ARHGEF37: variants seen among roughly 807,000 people sequenced by gnomAD.
The protein encoded by ARHGEF37 is Rho guanine nucleotide exchange factor (GEF) 37.
In ARHGEF37, 55 loss-of-function variants were observed where a neutral mutation model predicts 71.1. The observed-to-expected ratio is 0.77, with a 90% confidence interval of 0.62 to 0.97. The LOEUF (loss-of-function observed/expected upper bound fraction) is 0.97. Among genes scored for constraint, ARHGEF37 ranks in the 50% least tolerant of loss-of-function variants. The probability of loss-of-function intolerance (pLI) is 0.00; values close to 1 mark genes in which losing one functional copy is unlikely to be tolerated. For missense variants in ARHGEF37, 765 were observed against 836.8 expected (o/e 0.91, Z 1.06); for synonymous variants, 327 against 350.6 (o/e 0.93, Z 0.75).
Position 149,581,997 on chromosome 5 carries a change from G to C in ARHGEF37, c.-12+373G>C, listed in dbSNP as rs79899373. On this transcript the variant is annotated intron_variant, in intron 1 of 12. Coordinates refer to ENST00000333677, the MANE Select transcript of ARHGEF37 (RefSeq NM_001001669.3). ...ACGGAAAAATACAAACAATGGTAAAGAATCCTTGCCAAGCAAAATATAATT... is the reference window on the plus strand; with the variant it reads ...ACGGAAAAATACAAACAATGGTAAACAATCCTTGCCAAGCAAAATATAATT... Among the ~76,000 whole-genome samples the C allele has an allele frequency of 6.7e-3, 1,017 of 152,302 alleles. 36 individuals carry two copies. Among genetic ancestry groups the C allele is most frequent in the Admixed American group, 0.05 (767 of 15,296 alleles).
intron 1 of ARHGEF37, among the ~76,000 whole-genome samples, chr5:149,560,982 T>G (rs1333949794): frequency 6.6e-6 from 1 of 151,868 alleles, no homozygotes; most frequent in African/African-American, 2.4e-5. Context: ...AGTTAGAAAT[T>G]AGAAGATACT....
At chr5:149,587,455 T>A (rs1763270083) in intron 1 of ARHGEF37, among the ~76,000 whole-genome samples, 1 of 152,214 alleles carries the variant, frequency 6.6e-6, no homozygotes, top group Admixed American at 6.5e-5. Flanking sequence ...ACTTGGATTA[T>A]CTTAGGAAAT....
At chr5:149,571,905 CAAAAA>C (rs150393350) in intron 1 of ARHGEF37, among the ~76,000 whole-genome samples, 26 of 77,622 alleles carry the variant, frequency 3.3e-4, no homozygotes, top group Non-Finnish European at 4.4e-4. Flanking sequence ...GACCCTGTCT[CAAAAA>C]AAAAAAAAAA....
intron 1 of ARHGEF37, among the ~76,000 whole-genome samples, chr5:149,565,882 T>C (rs1762892377): frequency 7.2e-6 from 1 of 139,302 alleles, no homozygotes; most frequent in Non-Finnish European, 1.6e-5. Flanking sequence ...AGAGTTTCCC[T>C]CTTGTTGCCC....
intron 3 of ARHGEF37, among the ~76,000 whole-genome samples, chr5:149,601,432 A>G (rs1023813188): frequency 1.3e-5 from 2 of 152,170 alleles, no homozygotes; most frequent in African/African-American, 2.4e-5. Flanking sequence ...CTTTACAGAG[A>G]CCGAGCCCCA....
intron 10 of ARHGEF37, 32 bp downstream of exon 10, chr5:149,624,172 C>A (rs753121046): frequency 1.3e-6 from 2 of 1,585,134 alleles, no homozygotes; most frequent in Non-Finnish European, 1.7e-6. Context: ...CAAAGACTGT[C>A]CAGTTCTTCA....
chr5:149,554,994 G>A (rs1033629905), intron 1 of ARHGEF37, among the ~76,000 whole-genome samples: 15 of 151,996 alleles, frequency 9.9e-5, no homozygotes, highest in African/African-American at 3.4e-4. Context: ...AGCCGGGCGT[G>A]GTGGCAGGCG....
intron 1 of ARHGEF37, among the ~76,000 whole-genome samples, chr5:149,564,365 C>A (rs945330491): frequency 5.3e-5 from 8 of 152,142 alleles, no homozygotes; most frequent in Non-Finnish European, 8.8e-5. Flanking sequence ...ACTTAACTTG[C>A]CCAGGTGCAC....
At chr5:149,620,167 A>G (rs1752496847) in intron 7 of ARHGEF37, among the ~76,000 whole-genome samples, 187 bp from the exon 8 acceptor site, 1 of 152,154 alleles carries the variant, frequency 6.6e-6, no homozygotes, top group South Asian at 2.1e-4. Flanking sequence ...AAAGATGTTG[A>G]CTCAGTCTAA....
chr5:149,612,199 G>A (rs1174123039), intron 4 of ARHGEF37, among the ~76,000 whole-genome samples: 2 of 152,012 alleles, frequency 1.3e-5, no homozygotes, highest in Non-Finnish European at 2.9e-5. Flanking sequence ...ATGGAGTCTC[G>A]CTCTGTCGCC....
In ARHGEF37 at chr5:149,620,422, C is replaced by A. The variant is rs200135754; in HGVS notation, c.963C>A (p.Cys321Ter). Residue 321 changes from cysteine to a stop codon, truncating the protein, a stop_gained, in exon 8 of 13, where the codon TGC becomes TGA. Coordinates refer to ENST00000333677, the MANE Select transcript of ARHGEF37 (RefSeq NM_001001669.3). LOFTEE classifies it high-confidence loss of function. ...CCGAGGGGCCTGCAGTGCAGTATTG[C>A]AATTTGGCAAGAGACCTTCACCTTG... ...DIPEGPAVQY[C>*]NLARDLHLEA... 1 of 1,612,604 alleles carries A rather than the reference C, an allele frequency of 6.2e-7. No homozygotes were observed. Among genetic ancestry groups the A allele is most frequent in the Admixed American group, 1.7e-5 (1 of 59,784 alleles).
chr5:149,581,661 G>A (rs1398413309), intron 1 of ARHGEF37, 37 bp downstream of exon 1: 1 of 152,212 alleles, frequency 6.6e-6, no homozygotes, highest in Non-Finnish European at 1.5e-5. Context: ...GGTCAAGCAG[G>A]ATGGGGCTGG....
intron 1 of ARHGEF37, among the ~76,000 whole-genome samples, chr5:149,554,098 G>T (rs1269761840): frequency 3.3e-5 from 5 of 152,336 alleles, no homozygotes; most frequent in Non-Finnish European, 7.3e-5. Context: ...AACTGGGGAG[G>T]TAGAGATTGC....
rs116892354 is a variant in ARHGEF37 at position 149,627,619 on chromosome 5, A to G, written c.1660+348A>G. The stretch of plus-strand genomic sequence containing the variant: ...GAGAACTCCAGGACCACCCTGAAAG[A>G]TGGAGATGGGCACGGAGATAGAATG... On this transcript the variant is annotated intron_variant, in intron 11 of 12. Transcript: ENST00000333677. 5.3e-3 allele frequency among the ~76,000 whole-genome samples: 811 copies of G among 152,318 alleles called. 27 individuals carry two copies. In the East Asian group the frequency reaches 0.061, roughly 12 times the overall value.
rs1763106181 is a variant in ARHGEF37 at position 149,581,532 on chromosome 5, A to G, written c.-104A>G. ...CACCCGGAGCGGCGCGGGTGCCGGGAGCTGGGCGACGCGCCCCTCCTGCCC... is the reference window on the plus strand; with the variant it reads ...CACCCGGAGCGGCGCGGGTGCCGGGGGCTGGGCGACGCGCCCCTCCTGCCC... On this transcript the variant is annotated 5_prime_UTR_variant, in exon 1 of 13. Transcript: ENST00000333677. 6.6e-6 allele frequency: 1 copy of G among 151,954 alleles called. No homozygotes were observed. Among genetic ancestry groups the G allele is most frequent in the Non-Finnish European group, 1.5e-5 (1 of 67,968 alleles). 9.4% of individuals were successfully genotyped at this position (151,954 alleles called of 1,614,324 possible). A position where few individuals can be genotyped will look rare whatever the true frequency, so the allele number is the denominator to read the frequency against.
At chr5:149,553,333 G>A (rs557127163) in intron 1 of ARHGEF37, among the ~76,000 whole-genome samples, 11 of 152,210 alleles carry the variant, frequency 7.2e-5, no homozygotes, top group African/African-American at 2.4e-4. Context: ...CTGGGAGGCA[G>A]AGGTTACAGT....
At chr5:149,614,123 A>AT (rs35217743) in intron 4 of ARHGEF37, among the ~76,000 whole-genome samples, 43,381 of 151,418 alleles carry the variant, frequency 0.29, 6,500 homozygotes, top group East Asian at 0.44. Context: ...ACTATGGTTT[A>AT]TTGGCCATTC....
intron 1 of ARHGEF37, among the ~76,000 whole-genome samples, chr5:149,558,800 A>C (rs1281692140): frequency 2.0e-5 from 3 of 151,948 alleles, no homozygotes; most frequent in Non-Finnish European, 4.4e-5. Flanking sequence ...TGACATTGAA[A>C]AATTTCTAAA....
At chr5:149,564,295 T>C (rs1219987899) in intron 1 of ARHGEF37, among the ~76,000 whole-genome samples, 3 of 152,122 alleles carry the variant, frequency 2.0e-5, no homozygotes, top group Non-Finnish European at 4.4e-5. Context: ...AAAAATTTCA[T>C]TGGGAAAATA....
Sources: allele counts gnomAD v4.1 joint callset (sites outside exome capture counted in the v4.1 genomes callset), GRCh38; gene constraint gnomAD v4.1.1; transcripts MANE v1.5; gene names NCBI Gene and HGNC (gene_info 2026-07-23, HGNC 2026-07-21).